ATF7: variants seen among roughly 807,000 people sequenced by gnomAD.
The protein encoded by ATF7 is cyclic AMP-dependent transcription factor ATF-7.
In ATF7, 10 loss-of-function variants were observed where a neutral mutation model predicts 50.4. The observed-to-expected ratio is 0.20, with a 90% CI of 0.12 to 0.34. The LOEUF is 0.34. Among genes scored for constraint, ATF7 ranks in the 10% least tolerant of loss-of-function variants. The probability of loss-of-function intolerance (pLI) is 1.00; values close to 1 mark genes in which losing one functional copy is unlikely to be tolerated. For synonymous variants in ATF7, 201 were observed against 226.4 expected, an observed-to-expected ratio of 0.89 and a Z score of 1.01; for missense variants, 465 against 613.9, an observed-to-expected ratio of 0.76 and a Z score of 2.56.
rs1052542953 is a variant in ATF7 at position 53,524,194 on chromosome 12, C to T, written c.1125+370G>A. On this transcript the variant is annotated intron_variant, in intron 10 of 11. Transcript: ENST00000420353. The surrounding 1 kb of genome is among the most constrained non-coding windows in gnomAD (Gnocchi z 4.6). ...ATAATTATTCTATTTGTGCTTGTAG[C>T]ACTTTTTTCTTTCTCTCTTTTATTA... Among the ~76,000 whole-genome samples the T allele has an allele frequency of 6.6e-6, 1 of 152,180 alleles. No individual in the cohort carries two copies. Among genetic ancestry groups the T allele is most frequent in the Admixed American group, 6.5e-5 (1 of 15,282 alleles).
chr12:53,577,271 AAG>A (rs2137668982), intron 2 of ATF7, among the ~76,000 whole-genome samples: 1 of 152,268 alleles, frequency 6.6e-6, no homozygotes, highest in South Asian at 2.1e-4. Context: ...TCTAAAAACA[AAG>A]AATCTCTGAA....
intron 1 of ATF7, among the ~76,000 whole-genome samples, chr12:53,616,718 G>A (rs1335385291): frequency 6.6e-6 from 1 of 151,874 alleles, no homozygotes; most frequent in African/African-American, 2.4e-5. Flanking sequence ...TGAGGCGGGT[G>A]GATTGCCTGA....
chr12:53,609,512 CCTGTAGTTCCAGCTA>C (rs555086701), intron 1 of ATF7, among the ~76,000 whole-genome samples: 1 of 151,472 alleles, frequency 6.6e-6, no homozygotes, highest in East Asian at 1.9e-4. Context: ...GTGGTGTGTG[CCTGTAGTTCCAGCTA>C]CTCGGGAGCT....
intron 3 of ATF7, among the ~76,000 whole-genome samples, chr12:53,547,254 G>A (rs1307675219): frequency 2.0e-5 from 3 of 147,118 alleles, no homozygotes; most frequent in African/African-American, 7.6e-5. Context: ...AAAGTGCTGG[G>A]ATTACAGGTG....
downstream of ATF7, among the ~76,000 whole-genome samples, chr12:53,509,030 G>T (rs548370525): frequency 6.6e-6 from 1 of 152,188 alleles, no homozygotes. Flanking sequence ...TATGGTGCAG[G>T]TTCCTTCTAA....
At chr12:53,543,761 C>T in intron 3 of ATF7, 1 of 276,094 alleles carries the variant, frequency 3.6e-6, no homozygotes. Context: ...AAACCACCCA[C>T]ACAGGTGACA....
chr12:53,614,674 G>A (rs1944039521), intron 1 of ATF7, among the ~76,000 whole-genome samples: 1 of 152,158 alleles, frequency 6.6e-6, no homozygotes. Context: ...TTTCAACAGT[G>A]ATCTATTTGG....
intron 9 of ATF7, 143 bp downstream of exon 9, chr12:53,531,601 A>C: frequency 1.2e-6 from 1 of 827,078 alleles, no homozygotes; most frequent in Non-Finnish European, 1.8e-6. Context: ...TGCTATAGTC[A>C]AACTGCCATC....
At chr12:53,623,603 A>C (rs1944488357) in intron 1 of ATF7, among the ~76,000 whole-genome samples, 1 of 152,218 alleles carries the variant, frequency 6.6e-6, no homozygotes, top group African/African-American at 2.4e-5. Flanking sequence ...TTAGACATTT[A>C]CGTGGAGTTC....
chr12:53,525,380 A>G (rs1938389198), intron 9 of ATF7, among the ~76,000 whole-genome samples: 1 of 152,208 alleles, frequency 6.6e-6, no homozygotes, highest in African/African-American at 2.4e-5. Flanking sequence ...CAAAAAGGGA[A>G]TCTTATAGGC....
chr12:53,576,273 C>T (rs1454862879), intron 2 of ATF7, among the ~76,000 whole-genome samples: 3 of 152,172 alleles, frequency 2.0e-5, no homozygotes, highest in Admixed American at 6.5e-5. Context: ...CCTTAGACGG[C>T]ACAGCAGTCT....
At chr12:53,556,659 T>C (rs989355271) in intron 2 of ATF7, among the ~76,000 whole-genome samples, 6 of 152,242 alleles carry the variant, frequency 3.9e-5, no homozygotes, top group Non-Finnish European at 7.3e-5. Flanking sequence ...ATAGTCCTTA[T>C]ATTTTCTCTC....
At chr12:53,560,073 C>T (rs946189765) in intron 2 of ATF7, among the ~76,000 whole-genome samples, 1 of 152,080 alleles carries the variant, frequency 6.6e-6, no homozygotes, top group South Asian at 2.1e-4. Context: ...CAGGCACCTG[C>T]CACCACACCC....
chr12:53,541,974 G>A (rs1169373054), intron 4 of ATF7, among the ~76,000 whole-genome samples: 1 of 151,950 alleles, frequency 6.6e-6, no homozygotes, highest in Non-Finnish European at 1.5e-5. Flanking sequence ...GGCGTGCGCC[G>A]CCACGCCTGG....
At chr12:53,540,826 T>C (rs1939508840) in intron 4 of ATF7, among the ~76,000 whole-genome samples, 1 of 152,164 alleles carries the variant, frequency 6.6e-6, no homozygotes, top group Non-Finnish European at 1.5e-5. Context: ...CATGGCTAAC[T>C]GCAACCTTGA....
chr12:53,623,102 A>G (rs1944465677), intron 1 of ATF7, among the ~76,000 whole-genome samples: 1 of 152,224 alleles, frequency 6.6e-6, no homozygotes, highest in South Asian at 2.1e-4. Flanking sequence ...GTGGCTTCAG[A>G]TAACAGAGCT....
At chr12:53,526,465 T>G (rs1328553664) in intron 9 of ATF7, among the ~76,000 whole-genome samples, 1 of 152,190 alleles carries the variant, frequency 6.6e-6, no homozygotes, top group Non-Finnish European at 1.5e-5. Context: ...CATCCTTTAT[T>G]GTAGGAATAC....
chr12:53,554,003 G>A (rs1282081559), intron 2 of ATF7, among the ~76,000 whole-genome samples: 5 of 152,182 alleles, frequency 3.3e-5, no homozygotes, highest in Admixed American at 2.0e-4. Flanking sequence ...GGCTGGTCGC[G>A]ATGGCTCATG....
chr12:53,598,424 C>T (rs1320967252), intron 2 of ATF7, among the ~76,000 whole-genome samples: 2 of 152,166 alleles, frequency 1.3e-5, no homozygotes, highest in Admixed American at 1.3e-4. Flanking sequence ...TCCACACTCA[C>T]CTTCCTACTG....
Sources: gnomAD v4.1 joint callset for allele counts (sites outside exome capture counted in the v4.1 genomes callset) on GRCh38, gnomAD v4.1.1 for gene constraint, Gnocchi (gnomAD v3.1) non-coding constraint, MANE v1.5 for transcripts, NCBI Gene and HGNC (gene_info 2026-07-23, HGNC 2026-07-21) for gene names.